Variants in ACTR10 observed in about 807,000 individuals in gnomAD.
ACTR10 encodes the protein actin related protein 10, also known as actin-related protein 10.
In ACTR10, 43 loss-of-function variants were observed where a neutral mutation model predicts 56.2. The observed-to-expected ratio is 0.77, with a 90% CI of 0.60 to 0.99. The LOEUF (loss-of-function observed/expected upper bound fraction) is 0.99, where lower values mean the gene tolerates loss of function less well. Among genes scored for constraint, ACTR10 ranks in the 50% least tolerant of loss-of-function variants. The pLI, the probability that ACTR10 is intolerant of heterozygous loss-of-function variation, is 0.00. For missense variants in ACTR10, 466 were observed against 507.8 expected (o/e 0.92, Z 0.79); for synonymous variants, 170 against 176.3 (o/e 0.96, Z 0.28).
Position 58,229,534 on chromosome 14 carries a change from C to T in ACTR10, c.789-865C>T, listed in dbSNP as rs1163630275. Among the ~76,000 whole-genome samples the T allele has an allele frequency of 2.0e-5, 3 of 151,878 alleles. No homozygotes were observed. The East Asian group carries it at 5.8e-4, about 29-fold the overall frequency. On this transcript the variant is annotated intron_variant, in intron 10 of 12. Transcript: ENST00000254286. ...TCTACTAAAAATACAAAAAATTAGC[C>T]GGGCGCGGTGGCGGGCACCTGTAGT...
At chr14:58,217,738 A>G (rs539370655) in intron 7 of ACTR10, among the ~76,000 whole-genome samples, 1 of 152,226 alleles carries the variant, frequency 6.6e-6, no homozygotes, top group Non-Finnish European at 1.5e-5. Flanking sequence ...AGCAAAGATT[A>G]TATGCAAGTC....
At chr14:58,219,281 T>C (rs931095408) in intron 7 of ACTR10, among the ~76,000 whole-genome samples, 51 of 152,218 alleles carry the variant, frequency 3.4e-4, no homozygotes, top group Non-Finnish European at 5.4e-4. Flanking sequence ...AGCTGAACTT[T>C]GAATGAGCCT....
intron 10 of ACTR10, among the ~76,000 whole-genome samples, chr14:58,227,342 C>A (rs946747450): frequency 6.6e-6 from 1 of 151,968 alleles, no homozygotes; most frequent in Non-Finnish European, 1.5e-5. Flanking sequence ...ACCAGCCTGG[C>A]CAACATGGTG....
chr14:58,205,009 T>A (rs184705905), intron 2 of ACTR10, among the ~76,000 whole-genome samples: 52 of 152,028 alleles, frequency 3.4e-4, no homozygotes, highest in Admixed American at 3.1e-3. Flanking sequence ...TCACCTGAGG[T>A]CAGGAGTTCC....
intron 10 of ACTR10, among the ~76,000 whole-genome samples, chr14:58,224,861 T>C (rs1889361669): frequency 6.6e-6 from 1 of 151,928 alleles, no homozygotes; most frequent in African/African-American, 2.4e-5. Flanking sequence ...TGGTAGCACA[T>C]GCCCGTAATC....
intron 10 of ACTR10, among the ~76,000 whole-genome samples, 197 bp from the exon 11 acceptor site, chr14:58,230,202 T>G (rs1889497154): frequency 6.6e-6 from 1 of 152,230 alleles, no homozygotes; most frequent in African/African-American, 2.4e-5. Context: ...TCATTGCATC[T>G]TCACCTCAAA....
rs1309169617 is a variant in ACTR10 at position 58,223,702 on chromosome 14, G to C, written c.714+1G>C. ...ATTTAATATTGATGGGAATAATGAGGTAAGTTTAAAAAAAAAAAAGGCATC... is the reference window on the plus strand; with the variant it reads ...ATTTAATATTGATGGGAATAATGAGCTAAGTTTAAAAAAAAAAAAGGCATC... On this transcript the variant is annotated splice_donor_variant, in intron 9 of 12. Coordinates refer to ENST00000254286, the MANE Select transcript of ACTR10 (RefSeq NM_018477.3). LOFTEE classifies it high-confidence loss of function. 41 of 1,604,154 alleles carry C rather than the reference G, an allele frequency of 2.6e-5. No homozygotes were observed. The highest frequency in any genetic ancestry group is 3.4e-5 in the Non-Finnish European group (40 of 1,176,822).
In ACTR10 at chr14:58,208,012, A is replaced by G; in HGVS notation, c.227A>G (p.Tyr76Cys). 6.6e-7 allele frequency: 1 copy of G among 1,506,734 alleles called. No individual in the cohort carries two copies. The highest frequency in any genetic ancestry group is 8.8e-7 in the Non-Finnish European group (1 of 1,135,384). The allele number at this position is 1,506,734 out of a possible 1,614,324, so 93.3% of individuals were successfully genotyped here. ...SYLKEFIHIL[Y>C]FRHLLVNPRD... ...CTAAAGGAATTCATCCACATACTAT[A>G]TTTCAGGTAAGATACATTTTGTTTT... Residue 76 changes from tyrosine to cysteine, a missense_variant, in exon 3 of 13, where the codon TAT (tyrosine) becomes TGT (cysteine). Tyr to Cys is a radical substitution (Grantham distance 194). Transcript: ENST00000254286.
rs760466397 is a variant in ACTR10, at chr14:58,200,177, G to C, written c.-41G>C. On this transcript the variant is annotated 5_prime_UTR_variant, in exon 1 of 13. Transcript: ENST00000254286. ...CCGCGAGCGCCGAGACTTGTTGGCCGCGGAGACTGCGACCCTCTTCTCTCA... is the reference window on the plus strand; with the variant it reads ...CCGCGAGCGCCGAGACTTGTTGGCCCCGGAGACTGCGACCCTCTTCTCTCA... 1 of 1,439,814 alleles carries C rather than the reference G, an allele frequency of 6.9e-7. No individual in the cohort carries two copies. 89.2% of individuals were successfully genotyped at this position (1,439,814 alleles called of 1,614,324 possible). A position where few individuals can be genotyped will look rare whatever the true frequency, so the allele number is the denominator to read the frequency against.
chr14:58,218,390 G>A (rs550625463), intron 7 of ACTR10, among the ~76,000 whole-genome samples: 4 of 152,018 alleles, frequency 2.6e-5, no homozygotes, highest in Admixed American at 6.6e-5. Context: ...ATAAAACTTC[G>A]AACATGTTAT....
intron 2 of ACTR10, 99 bp downstream of exon 2, chr14:58,203,026 C>A: frequency 1.2e-6 from 1 of 805,736 alleles, no homozygotes; most frequent in Non-Finnish European, 1.9e-6. Context: ...TAAAGGCCAG[C>A]CGTGGTGGCT....
intron 4 of ACTR10, 141 bp from the exon 5 acceptor site, chr14:58,211,151 T>C: frequency 3.5e-6 from 2 of 576,948 alleles, no homozygotes; most frequent in Middle Eastern, 5.8e-4. Context: ...ATTACTCTCA[T>C]AAAATGGTTG....
chr14:58,213,664 G>A lies in ACTR10; in HGVS notation c.484G>A (p.Gly162Arg), dbSNP rs1171842965. 1 of 1,612,298 alleles carries A rather than the reference G, an allele frequency of 6.2e-7. No homozygotes were observed. Among genetic ancestry groups the A allele is most frequent in the East Asian group, 2.2e-5 (1 of 44,792 alleles). The change falls in exon 6 of 13, where the codon GGA becomes AGA. Residue 162 changes from glycine (G) to arginine (R), a missense_variant. Physicochemically the swap from Gly to Arg is moderately radical, Grantham distance 125. Coordinates refer to ENST00000254286, the MANE Select transcript of ACTR10 (RefSeq NM_018477.3). Reference protein sequence around the residue: ...YEGIPVLNCWGALPLGGKALH... With the variant: ...YEGIPVLNCWRALPLGGKALH... ...AGGAATCCCAGTTCTAAATTGTTGG[G>A]GAGCACTACCCCTAGGAGGAAAAGC...
chr14:58,200,366 G>T, intron 1 of ACTR10, 72 bp downstream of exon 1: 1 of 1,290,088 alleles, frequency 7.8e-7, no homozygotes, highest in Non-Finnish European at 1.0e-6. Flanking sequence ...GCACTGCCTG[G>T]GTCCTCATCG....
chr14:58,220,092 TC>T (rs1430951405), intron 8 of ACTR10, among the ~76,000 whole-genome samples: 5 of 152,328 alleles, frequency 3.3e-5, no homozygotes, highest in African/African-American at 4.8e-5. Context: ...TCTAAGAACT[TC>T]CGGAATTGTG....
chr14:58,203,402 A>G (rs1451841554), intron 2 of ACTR10, among the ~76,000 whole-genome samples: 3 of 152,058 alleles, frequency 2.0e-5, no homozygotes, highest in Admixed American at 2.0e-4. Flanking sequence ...AACTTTATCA[A>G]GGTCTAATTT....
At chr14:58,221,932 A>AG (rs1451011321) in intron 8 of ACTR10, among the ~76,000 whole-genome samples, 1 of 152,104 alleles carries the variant, frequency 6.6e-6, no homozygotes, top group Non-Finnish European at 1.5e-5. Context: ...AACAAAAAAA[A>AG]GATCTCAAGG....
chr14:58,233,966 T>G (rs1889605955), intron 12 of ACTR10, among the ~76,000 whole-genome samples: 1 of 152,222 alleles, frequency 6.6e-6, no homozygotes, highest in African/African-American at 2.4e-5. Flanking sequence ...TAGGACATTA[T>G]GATGATGTTT....
chr14:58,201,530 G>A (rs1426350134), intron 1 of ACTR10, among the ~76,000 whole-genome samples: 1 of 152,086 alleles, frequency 6.6e-6, no homozygotes, highest in East Asian at 1.9e-4. Context: ...AGGAGGAGAT[G>A]GAGAGAATTA....
Sources: gnomAD v4.1 joint callset for allele counts (sites outside exome capture counted in the v4.1 genomes callset) on GRCh38, gnomAD v4.1.1 for gene constraint, MANE v1.5 for transcripts, NCBI Gene and HGNC (gene_info 2026-07-23, HGNC 2026-07-21) for gene names.